Variants in CACNA2D2 observed in about 807,000 individuals in gnomAD.
CACNA2D2 encodes calcium voltage-gated channel auxiliary subunit alpha2delta 2, also known as voltage-dependent calcium channel subunit alpha-2/delta-2.
In CACNA2D2, 48 loss-of-function variants were observed where a neutral mutation model predicts 166.4. That is an observed-to-expected ratio of 0.29 (90% confidence interval 0.23 to 0.37). CACNA2D2 has a LOEUF of 0.37. CACNA2D2 is among the 10% of genes least tolerant of loss of function. The pLI, the probability that CACNA2D2 is intolerant of heterozygous loss-of-function variation, is 1.00. For missense variants in CACNA2D2, 1,122 were observed against 1,433.0 expected, an observed-to-expected ratio of 0.78 and a Z score of 3.50; for synonymous variants, 561 against 573.7, an observed-to-expected ratio of 0.98 and a Z score of 0.32.
chr3:50,368,763 G>A (rs587656253), intron 23 of CACNA2D2, among the ~76,000 whole-genome samples: 6 of 152,312 alleles, frequency 3.9e-5, no homozygotes, highest in African/African-American at 1.2e-4. Context: ...GAACATGTGG[G>A]TCCTCCGACT....
Position 50,376,283 on chromosome 3 carries a change from A to G in CACNA2D2, c.1627-95T>C. On this transcript the variant is annotated intron_variant, in intron 17 of 37. Transcript: ENST00000424201. This position sits in a 1 kb window ranked among gnomAD's most constrained non-coding sequence, Gnocchi z 4.3. ...CCCTATTTGGCCTCCCACCGCACCG[A>G]GAGATTCTGTTTGCCTGCCTTGGGC... 1 of 1,300,716 alleles carries G rather than the reference A, an allele frequency of 7.7e-7. No individual in the cohort carries two copies. The highest frequency in any genetic ancestry group is 2.0e-5 in the Admixed American group (1 of 50,048). The allele number at this position is 1,300,716 out of a possible 1,614,324, so 80.6% of individuals were successfully genotyped here.
rs1372651717 is a variant in CACNA2D2, at chr3:50,380,825, G to A, written c.785-20C>T. On this transcript the variant is annotated intron_variant, in intron 7 of 37. Coordinates refer to ENST00000424201, the MANE Select transcript of CACNA2D2 (RefSeq NM_006030.4). The surrounding 1 kb of genome is among the most constrained non-coding windows in gnomAD (Gnocchi z 4.9). ...GGGTGGCTGAGGGAGGAGAGAAGGT[G>A]AGGGGGACTGGCAGGAAAGGGCTGG... is the stretch of plus-strand genomic sequence containing the variant. The A allele has an allele frequency of 3.2e-6, 5 of 1,543,230 alleles. No homozygotes were observed. Among genetic ancestry groups the A allele is most frequent in the Non-Finnish European group, 3.5e-6 (4 of 1,144,774 alleles).
intron 2 of CACNA2D2, among the ~76,000 whole-genome samples, chr3:50,445,710 C>T (rs1481058114): frequency 1.3e-5 from 2 of 152,192 alleles, no homozygotes; most frequent in Non-Finnish European, 2.9e-5. Context: ...GGGACACAGA[C>T]CCAAGGGAAC....
intron 16 of CACNA2D2, 53 bp from the exon 17 acceptor site, chr3:50,377,594 C>T (rs758271985): frequency 1.3e-6 from 2 of 1,587,168 alleles, no homozygotes; most frequent in Non-Finnish European, 1.7e-6. Context: ...CATGGGGAAC[C>T]ACCCTCCACA....
chr3:50,418,391 C>G (rs759775297), intron 3 of CACNA2D2, among the ~76,000 whole-genome samples: 63 of 152,334 alleles, frequency 4.1e-4, no homozygotes, highest in Non-Finnish European at 7.8e-4. Flanking sequence ...TCCAACCAGG[C>G]CCCTGTGCAA....
chr3:50,471,520 A>G lies in CACNA2D2; in HGVS notation c.288+4598T>C, dbSNP rs954507829. ...GGCACTTGTGGGCACTGCTAATCCC[A>G]CTCTGGATGCCCAGAGGGCACCCGC... is the stretch of plus-strand genomic sequence containing the variant. On this transcript the variant is annotated intron_variant, in intron 2 of 37. Coordinates refer to ENST00000424201, the MANE Select transcript of CACNA2D2 (RefSeq NM_006030.4). 7.9e-5 allele frequency among the ~76,000 whole-genome samples: 12 copies of G among 151,372 alleles called. 3 individuals carry two copies.
At chr3:50,421,118 G>C (rs1707537867) in intron 3 of CACNA2D2, among the ~76,000 whole-genome samples, 2 of 152,212 alleles carry the variant, frequency 1.3e-5, no homozygotes, top group South Asian at 4.1e-4. Context: ...TGTGTGCTGG[G>C]GAGGGGGCCA....
Position 50,367,935 on chromosome 3 carries a change from C to T in CACNA2D2, c.2144-33G>A, listed in dbSNP as rs367943281. ...AGGAGGGGAGGGGTGGGGGTGGGGGCATCTTCTTGCAGCTCCTTGCCCACC... is the reference window on the plus strand; with the variant it reads ...AGGAGGGGAGGGGTGGGGGTGGGGGTATCTTCTTGCAGCTCCTTGCCCACC... On this transcript the variant is annotated intron_variant, in intron 24 of 37. Coordinates refer to ENST00000424201, the MANE Select transcript of CACNA2D2 (RefSeq NM_006030.4). The surrounding 1 kb of genome is among the most constrained non-coding windows in gnomAD (Gnocchi z 6.5). 1.1e-4 allele frequency: 145 copies of T among 1,358,170 alleles called. 1 individual carries two copies. The highest frequency in any genetic ancestry group is 1.1e-3 in the South Asian group (88 of 82,624). 84.1% of individuals were successfully genotyped at this position (1,358,170 alleles called of 1,614,324 possible).
At chr3:50,491,835 G>A (rs1698535212) in intron 1 of CACNA2D2, among the ~76,000 whole-genome samples, 1 of 152,154 alleles carries the variant, frequency 6.6e-6, no homozygotes, top group Admixed American at 6.5e-5. Context: ...GGCCAGAGGG[G>A]TACCCAATCC....
chr3:50,365,334 G>A lies in CACNA2D2; in HGVS notation c.3098+22C>T. On this transcript the variant is annotated intron_variant, in intron 35 of 37. Transcript: ENST00000424201. This position sits in a 1 kb window ranked among gnomAD's most constrained non-coding sequence, Gnocchi z 4.5. ...CTCACAGGTTCCGCCCTTGGCCTCT[G>A]GTCCCGCCCCACTGCCAGCACCTGG... 6.2e-7 allele frequency: 1 copy of A among 1,610,806 alleles called. No homozygotes were observed. Among genetic ancestry groups the A allele is most frequent in the East Asian group, 2.2e-5 (1 of 44,786 alleles).
At chr3:50,448,901 T>G (rs1000394940) in intron 2 of CACNA2D2, among the ~76,000 whole-genome samples, 7 of 152,022 alleles carry the variant, frequency 4.6e-5, no homozygotes, top group Admixed American at 2.6e-4. Flanking sequence ...ACAGAGACAG[T>G]CTGAGGCACA....
rs368428057 is a variant in CACNA2D2 at position 50,385,081 on chromosome 3, C to T, written c.511-744G>A. Reference sequence around the variant, plus strand: ...ACGGCCGGGCAGGCTGGGCATGCACCGTGCGCCCCCGCCCACCATCACAGG... The same window carrying T: ...ACGGCCGGGCAGGCTGGGCATGCACTGTGCGCCCCCGCCCACCATCACAGG... On this transcript the variant is annotated intron_variant, in intron 5 of 37. Transcript: ENST00000424201. Among the ~76,000 whole-genome samples, 40 of 152,312 alleles carry T rather than the reference C, an allele frequency of 2.6e-4. 1 individual carries two copies. The East Asian group carries it at 5.2e-3, about 20-fold the overall frequency.
chr3:50,491,052 C>T (rs1698498995), intron 1 of CACNA2D2, among the ~76,000 whole-genome samples: 1 of 152,208 alleles, frequency 6.6e-6, no homozygotes, highest in South Asian at 2.1e-4. Flanking sequence ...CTTGCAGGTG[C>T]TTGTTAAGCC....
At position 50,427,818 on chromosome 3, in the gene CACNA2D2, C is replaced by T. The variant is rs1384218545; in HGVS notation, c.405+6495G>A. ...ACTCGTGTTCTGTTCCAGGCCAGGC[C>T]TTGGCAGTAGGCGACATCCATGGCC... is the stretch of plus-strand genomic sequence containing the variant. On this transcript the variant is annotated intron_variant, in intron 3 of 37. Transcript: ENST00000424201. The surrounding 1 kb of genome is among the most constrained non-coding windows in gnomAD (Gnocchi z 4.7). Among the ~76,000 whole-genome samples, 21 of 152,226 alleles carry T rather than the reference C, an allele frequency of 1.4e-4. No individual in the cohort carries two copies. Among genetic ancestry groups the T allele is most frequent in the Admixed American group, 9.2e-4 (14 of 15,292 alleles).
chr3:50,365,191 G>A lies in CACNA2D2; in HGVS notation c.3099-7C>T, dbSNP rs1344863894. 1 of 1,611,630 alleles carries A rather than the reference G, an allele frequency of 6.2e-7. No homozygotes were observed. Among genetic ancestry groups the A allele is most frequent in the African/African-American group, 1.3e-5 (1 of 74,952 alleles). On this transcript the variant is annotated splice_region_variant and splice_polypyrimidine_tract_variant and intron_variant, in intron 35 of 37. Transcript: ENST00000424201. The surrounding 1 kb of genome is among the most constrained non-coding windows in gnomAD (Gnocchi z 4.5). ...TCTCTGCGCGTGGAACAGCCTGCGGGCAGCCCGGAAAGGCGGGGCGTTGAG... is the reference window on the plus strand; with the variant it reads ...TCTCTGCGCGTGGAACAGCCTGCGGACAGCCCGGAAAGGCGGGGCGTTGAG...
At chr3:50,387,029 G>A (rs1320661206) in intron 5 of CACNA2D2, among the ~76,000 whole-genome samples, 1 of 152,192 alleles carries the variant, frequency 6.6e-6, no homozygotes, top group African/African-American at 2.4e-5. Flanking sequence ...GCCAGTGAGT[G>A]ACATGGAGGC....
chr3:50,386,735 G>A (rs1482864984), intron 5 of CACNA2D2, among the ~76,000 whole-genome samples: 1 of 152,204 alleles, frequency 6.6e-6, no homozygotes, highest in African/African-American at 2.4e-5. Context: ...GAGGAAGACT[G>A]AATCTTGGGT....
intron 3 of CACNA2D2, among the ~76,000 whole-genome samples, chr3:50,426,624 C>T (rs1203125506): frequency 6.6e-6 from 1 of 152,156 alleles, no homozygotes; most frequent in Non-Finnish European, 1.5e-5. Flanking sequence ...GTGTTGCACA[C>T]CAGCCCCCTA....
Position 50,378,947 on chromosome 3 carries a change from G to A in CACNA2D2, c.1307C>T (p.Thr436Ile), listed in dbSNP as rs1575601988. 3 of 1,613,808 alleles carry A rather than the reference G, an allele frequency of 1.9e-6. No individual in the cohort carries two copies. The highest frequency in any genetic ancestry group is 2.5e-6 in the Non-Finnish European group (3 of 1,180,042). The change falls in exon 13 of 38, where the codon ACA becomes ATA. Residue 436 changes from threonine to isoleucine, a missense_variant. Around this residue, in one of 2 missense-constraint regions of CACNA2D2, gnomAD observed 840 missense variants for 1,166.8 expected, o/e 0.72. Transcript: ENST00000424201. ...FSVGQHNYDVTPLQWMACANK... is the reference protein window; with the variant it reads ...FSVGQHNYDVIPLQWMACANK... Reference sequence around the variant, plus strand: ...GGCACAGGCCATCCACTGCAGCGGTGTGACGTCATAGTTATGCTGCCCCAC... The same window carrying A: ...GGCACAGGCCATCCACTGCAGCGGTATGACGTCATAGTTATGCTGCCCCAC...
Sources: gnomAD v4.1 joint callset for allele counts (sites outside exome capture counted in the v4.1 genomes callset) on GRCh38, gnomAD v4.1.1 for gene constraint, gnomAD v4.1.1 regional missense constraint, Gnocchi (gnomAD v3.1) non-coding constraint, MANE v1.5 for transcripts, NCBI Gene and HGNC (gene_info 2026-07-23, HGNC 2026-07-21) for gene names.